Variants in RAD21L1 observed in about 807,000 individuals in gnomAD.
RAD21L1 encodes the protein double-strand-break repair protein rad21-like protein 1.
Under a neutral mutation model 69.0 loss-of-function variants are expected in RAD21L1, and 47 were observed. That is an observed-to-expected ratio of 0.68 (90% CI 0.54 to 0.87). The LOEUF is 0.87. Ranked by LOEUF, RAD21L1 falls within the 40% of genes least tolerant of loss-of-function variation. RAD21L1 has a pLI of 0.00. For synonymous variants in RAD21L1, 177 were observed against 205.8 expected (o/e 0.86, Z 1.20); for missense variants, 583 against 647.6 (o/e 0.90, Z 1.08).
At chr20:1,237,613 T>C (rs1372870920) in intron 5 of RAD21L1, among the ~76,000 whole-genome samples, 1 of 152,064 alleles carries the variant, frequency 6.6e-6, no homozygotes, top group Non-Finnish European at 1.5e-5. Context: ...TACCTACGTT[T>C]CCATTTCCTG....
At position 1,233,788 on chromosome 20, in the gene RAD21L1, G is replaced by A. The variant is rs1377055856; in HGVS notation, c.369-297G>A. Reference sequence around the variant, plus strand: ...CCTAATACCATCACATTGGAGATTAGATTTCAAAATATGCATTTGAGGTGA... The same window carrying A: ...CCTAATACCATCACATTGGAGATTAAATTTCAAAATATGCATTTGAGGTGA... On this transcript the variant is annotated intron_variant, in intron 4 of 13. Coordinates refer to ENST00000683101, the MANE Select transcript of RAD21L1 (RefSeq NM_001384355.1). Among the ~76,000 whole-genome samples the A allele has an allele frequency of 2.0e-5, 3 of 152,208 alleles. No individual in the cohort carries two copies. In the East Asian group the frequency reaches 5.8e-4, roughly 29 times the overall value.
At chr20:1,234,852 G>A (rs2087463174) in intron 5 of RAD21L1, among the ~76,000 whole-genome samples, 2 of 151,950 alleles carry the variant, frequency 1.3e-5, no homozygotes, top group Admixed American at 6.6e-5. Context: ...CAATCTTCCC[G>A]CCTCAGCCTC....
intron 5 of RAD21L1, among the ~76,000 whole-genome samples, chr20:1,235,104 T>C (rs1442159179): frequency 3.9e-5 from 6 of 152,178 alleles, no homozygotes; most frequent in African/African-American, 1.4e-4. Flanking sequence ...GATCTTTTTT[T>C]CTGGCATCTC....
In RAD21L1 at chr20:1,254,304, G is replaced by A. The variant is rs1049853392; in HGVS notation, c.1515G>A (p.Leu505=). Residue 505 remains leucine, a synonymous_variant, in exon 14 of 14, where the codon CTG becomes CTA. Coordinates refer to ENST00000683101, the MANE Select transcript of RAD21L1 (RefSeq NM_001384355.1). The part of the protein sequence containing the change: ...SNKMGMQSFS[L]MKLCRNSDRK... Reference sequence around the variant, plus strand: ...AGATGGGAATGCAGTCCTTTAGTCTGATGAAGCTCTGTAGAAATAGTGACC... The same window carrying A: ...AGATGGGAATGCAGTCCTTTAGTCTAATGAAGCTCTGTAGAAATAGTGACC... 115 of 1,550,046 alleles carry A rather than the reference G, an allele frequency of 7.4e-5. No individual in the cohort carries two copies. Among genetic ancestry groups the A allele is most frequent in the Non-Finnish European group, 9.8e-5 (112 of 1,146,276 alleles).
chr20:1,244,714 T>C (rs1432062917), intron 11 of RAD21L1, among the ~76,000 whole-genome samples: 1 of 152,222 alleles, frequency 6.6e-6, no homozygotes, highest in African/African-American at 2.4e-5. Flanking sequence ...GGAAATAATG[T>C]ACTTTGAAAT....
intron 1 of RAD21L1, among the ~76,000 whole-genome samples, chr20:1,226,697 C>T (rs1019324795): frequency 1.3e-5 from 2 of 152,068 alleles, no homozygotes; most frequent in South Asian, 4.1e-4. Context: ...GGTGGCTTCA[C>T]GTTGCACGAA....
intron 5 of RAD21L1, among the ~76,000 whole-genome samples, chr20:1,236,787 T>C (rs1040057300): frequency 6.6e-6 from 1 of 152,056 alleles, no homozygotes; most frequent in African/African-American, 2.4e-5. Flanking sequence ...TAAGAAATAT[T>C]TAAAATTAAT....
chr20:1,240,227 G>A, intron 7 of RAD21L1, 94 bp from the exon 8 acceptor site: 3 of 1,405,396 alleles, frequency 2.1e-6, no homozygotes, highest in Non-Finnish European at 2.8e-6. Flanking sequence ...TAAATCTTCA[G>A]TTAGTTTATC....
intron 6 of RAD21L1, 54 bp downstream of exon 6, chr20:1,238,268 AAT>A: frequency 5.9e-6 from 7 of 1,180,686 alleles, no homozygotes; most frequent in Non-Finnish European, 8.0e-6. Flanking sequence ...AAATTACTAC[AAT>A]ATATTAGTAG....
chr20:1,248,557 A>G lies in RAD21L1; in HGVS notation c.1402-69A>G, dbSNP rs191486675. The G allele has an allele frequency of 2.9e-4, 238 of 833,058 alleles. No homozygotes were observed. The African/African-American group carries it at 3.4e-3, about 12-fold the overall frequency. 51.6% of individuals were successfully genotyped at this position (833,058 alleles called of 1,614,324 possible). Reference sequence around the variant, plus strand: ...TGTGTTTCTTGTAGAAGCTAACACTATGATGGGCAAATAGTCAGCATTTAG... The same window carrying G: ...TGTGTTTCTTGTAGAAGCTAACACTGTGATGGGCAAATAGTCAGCATTTAG... On this transcript the variant is annotated intron_variant, in intron 12 of 13. Transcript: ENST00000683101.
At chr20:1,237,188 G>T (rs2087514038) in intron 5 of RAD21L1, among the ~76,000 whole-genome samples, 1 of 152,130 alleles carries the variant, frequency 6.6e-6, no homozygotes, top group Non-Finnish European at 1.5e-5. Flanking sequence ...GACTAACCTT[G>T]GACCTCTGGG....
intron 2 of RAD21L1, 46 bp from the exon 3 acceptor site, chr20:1,229,834 A>G: frequency 7.2e-7 from 1 of 1,392,228 alleles, no homozygotes; most frequent in Non-Finnish European, 9.7e-7. Flanking sequence ...AATAGGATTT[A>G]TGAACCTAAT....
intron 3 of RAD21L1, chr20:1,230,611 G>A (rs1007301791): frequency 1.4e-4 from 44 of 319,276 alleles, no homozygotes; most frequent in African/African-American, 8.3e-4. Context: ...TTGAAGGCAA[G>A]GTCTTTGTCA....
chr20:1,242,323 C>T (rs1209001050), intron 8 of RAD21L1, among the ~76,000 whole-genome samples: 1 of 152,176 alleles, frequency 6.6e-6, no homozygotes, highest in Non-Finnish European at 1.5e-5. Flanking sequence ...ACCTCTGCCA[C>T]TCAGGCTCAA....
chr20:1,242,074 C>T (rs1012751627), intron 8 of RAD21L1, among the ~76,000 whole-genome samples: 6 of 152,162 alleles, frequency 3.9e-5, no homozygotes, highest in Admixed American at 1.3e-4. Context: ...CCCTCTTCCC[C>T]ACCTTTCCTC....
In RAD21L1 at chr20:1,240,898, G is replaced by A. The variant is rs1016708286; in HGVS notation, c.856+464G>A. Among the ~76,000 whole-genome samples the A allele has an allele frequency of 2.0e-5, 3 of 152,196 alleles. No homozygotes were observed. The South Asian group carries it at 6.2e-4, about 31-fold the overall frequency. On this transcript the variant is annotated intron_variant, in intron 8 of 13. Coordinates refer to ENST00000683101, the MANE Select transcript of RAD21L1 (RefSeq NM_001384355.1). ...TAGTCTGGGCCTGCTGAGTAGCCCT[G>A]CTCTGCAGCAGCAGTTACGGTGCTA...
chr20:1,243,578 C>T (rs1344088464), intron 10 of RAD21L1, among the ~76,000 whole-genome samples: 1 of 152,124 alleles, frequency 6.6e-6, no homozygotes, highest in African/African-American at 2.4e-5. Context: ...ATAAGAACAG[C>T]ACTTAATACA....
At chr20:1,236,834 A>C (rs1386605084) in intron 5 of RAD21L1, among the ~76,000 whole-genome samples, 2 of 152,222 alleles carry the variant, frequency 1.3e-5, no homozygotes, top group African/African-American at 2.4e-5. Flanking sequence ...GATCAAAGGC[A>C]ATGATTATTT....
At chr20:1,250,825 A>G (rs528144849) in intron 13 of RAD21L1, among the ~76,000 whole-genome samples, 11 of 152,284 alleles carry the variant, frequency 7.2e-5, no homozygotes, top group Admixed American at 1.3e-4. Flanking sequence ...GTAATATTTT[A>G]TAATATCTCT....
Sources: allele counts gnomAD v4.1 joint callset (sites outside exome capture counted in the v4.1 genomes callset), GRCh38; gene constraint gnomAD v4.1.1; transcripts MANE v1.5; gene names NCBI Gene and HGNC (gene_info 2026-07-23, HGNC 2026-07-21).